The following ADCY2 variants were observed in gnomAD, a reference collection of about 807,000 sequenced individuals.
The protein encoded by ADCY2 is adenylate cyclase 2.
Under a neutral mutation model 125.2 loss-of-function variants are expected in ADCY2, and 31 were observed. The ratio of observed to expected loss-of-function variants is 0.25; its 90% CI spans 0.19 to 0.33. ADCY2 has a LOEUF of 0.33. Ranked by LOEUF, ADCY2 falls within the 10% of genes least tolerant of loss-of-function variation. ADCY2 has a pLI of 1.00. For missense variants in ADCY2, 904 were observed against 1,418.2 expected, an observed-to-expected ratio of 0.64 and a Z score of 5.82; for synonymous variants, 512 against 548.4, an observed-to-expected ratio of 0.93 and a Z score of 0.93.
chr5:7,412,829 T>A (rs1258086019), intron 1 of ADCY2, among the ~76,000 whole-genome samples: 1 of 152,326 alleles, frequency 6.6e-6, no homozygotes, highest in African/African-American at 2.4e-5. Context: ...GTGCCTCAGT[T>A]TCGTCAGCTG....
intron 3 of ADCY2, among the ~76,000 whole-genome samples, chr5:7,555,264 G>A (rs1005178264): frequency 5.9e-5 from 9 of 152,144 alleles, no homozygotes; most frequent in African/African-American, 2.2e-4. Flanking sequence ...CCATTCATTC[G>A]TTCAGCAAAC....
At chr5:7,451,800 C>T (rs1005003531) in intron 2 of ADCY2, among the ~76,000 whole-genome samples, 6 of 151,686 alleles carry the variant, frequency 4.0e-5, no homozygotes, top group Admixed American at 1.3e-4. Flanking sequence ...TTTAGGGGTA[C>T]CAGTGGTTTT....
chr5:7,781,082 G>C (rs536776161), intron 18 of ADCY2, among the ~76,000 whole-genome samples: 3 of 152,286 alleles, frequency 2.0e-5, no homozygotes, highest in African/African-American at 7.2e-5. Context: ...GAAACTTTCT[G>C]TTATATTAGC....
intron 3 of ADCY2, among the ~76,000 whole-genome samples, chr5:7,560,160 T>A (rs1735663456): frequency 6.6e-6 from 1 of 152,176 alleles, no homozygotes; most frequent in East Asian, 1.9e-4. Flanking sequence ...TGGGTAAATG[T>A]CAAGATGCCA....
chr5:7,674,224 G>C (rs148931865), intron 4 of ADCY2, among the ~76,000 whole-genome samples: 1 of 152,144 alleles, frequency 6.6e-6, no homozygotes. Flanking sequence ...TAGGAGCATC[G>C]TATTTCCAGG....
intron 16 of ADCY2, among the ~76,000 whole-genome samples, chr5:7,766,087 T>G (rs1743367000): frequency 6.6e-6 from 1 of 151,994 alleles, no homozygotes; most frequent in Admixed American, 6.6e-5. Flanking sequence ...TTTTGTTTTT[T>G]TAGTTTAAAT....
intron 24 of ADCY2, among the ~76,000 whole-genome samples, chr5:7,826,317 A>G (rs921480147): frequency 8.6e-5 from 13 of 151,986 alleles, no homozygotes; most frequent in African/African-American, 2.7e-4. Context: ...CACCACTCCA[A>G]TCTATTTTGG....
At chr5:7,415,425 G>C (rs189240260) in intron 2 of ADCY2, among the ~76,000 whole-genome samples, 186 of 152,308 alleles carry the variant, frequency 1.2e-3, no homozygotes, top group Non-Finnish European at 2.4e-3. Flanking sequence ...CCGTAGCCTT[G>C]TTTTACATCT....
At chr5:7,770,545 G>A (rs1005509363) in intron 17 of ADCY2, among the ~76,000 whole-genome samples, 1 of 152,174 alleles carries the variant, frequency 6.6e-6, no homozygotes, top group African/African-American at 2.4e-5. Flanking sequence ...TCATGGACTA[G>A]GCTGTTCTGA....
intron 1 of ADCY2, among the ~76,000 whole-genome samples, chr5:7,401,439 G>A (rs1739260499): frequency 2.6e-5 from 4 of 152,280 alleles, no homozygotes; most frequent in South Asian, 4.1e-4. Context: ...AATTCCCAGC[G>A]CTGGTCTTGG....
At chr5:7,446,447 C>CT (rs1287299799) in intron 2 of ADCY2, among the ~76,000 whole-genome samples, 1 of 151,948 alleles carries the variant, frequency 6.6e-6, no homozygotes, top group African/African-American at 2.4e-5. Flanking sequence ...TGTTTTTAAG[C>CT]TTTCTGGGAT....
chr5:7,698,565 A>G (rs544606538), intron 7 of ADCY2, among the ~76,000 whole-genome samples, 191 bp downstream of exon 7: 9 of 151,728 alleles, frequency 5.9e-5, no homozygotes, highest in Non-Finnish European at 1.2e-4. Flanking sequence ...AGGCCCTGGT[A>G]TGTGATGTTC....
chr5:7,713,187 A>G (rs533604578), intron 11 of ADCY2, among the ~76,000 whole-genome samples: 1 of 152,108 alleles, frequency 6.6e-6, no homozygotes, highest in Non-Finnish European at 1.5e-5. Flanking sequence ...AAAAAAGTGA[A>G]TTGTCTTAAA....
intron 4 of ADCY2, among the ~76,000 whole-genome samples, chr5:7,668,108 C>T (rs558480138): frequency 6.6e-6 from 1 of 152,294 alleles, no homozygotes; most frequent in South Asian, 2.1e-4. Context: ...TTGTCTGAAA[C>T]TATGGTGGGA....
At chr5:7,704,012 A>AC (rs1330246724) in intron 7 of ADCY2, among the ~76,000 whole-genome samples, 17 of 151,152 alleles carry the variant, frequency 1.1e-4, no homozygotes, top group Non-Finnish European at 2.5e-4. Flanking sequence ...AAAAAAAAAA[A>AC]AGTTTATTTT....
At position 7,494,387 on chromosome 5, in the gene ADCY2, G is replaced by A. The variant is rs1479769886; in HGVS notation, c.409-26351G>A. 2.0e-5 allele frequency among the ~76,000 whole-genome samples: 3 copies of A among 152,042 alleles called. No homozygotes were observed. In the East Asian group the frequency reaches 5.8e-4, roughly 29 times the overall value. On this transcript the variant is annotated intron_variant, in intron 2 of 24. Coordinates refer to ENST00000338316, the MANE Select transcript of ADCY2 (RefSeq NM_020546.3). ...AGCTCATGAATCTGCAGGTGCTTTG[G>A]CTTCCCCTTCTCTCTCTGCTCTCAA... is the stretch of plus-strand genomic sequence containing the variant.
At chr5:7,576,403 C>T (rs186535162) in intron 3 of ADCY2, among the ~76,000 whole-genome samples, 4 of 152,326 alleles carry the variant, frequency 2.6e-5, no homozygotes, top group Non-Finnish European at 5.9e-5. Context: ...CTCTCTGTTG[C>T]ATCTGTGTTT....
chr5:7,548,276 T>C (rs1371880320), intron 3 of ADCY2, among the ~76,000 whole-genome samples: 35 of 152,038 alleles, frequency 2.3e-4, no homozygotes, highest in Admixed American at 1.9e-3. Context: ...CTACTTAAAG[T>C]AGTCATGAAG....
intron 18 of ADCY2, among the ~76,000 whole-genome samples, chr5:7,777,237 C>T (rs1486619765): frequency 6.6e-6 from 1 of 152,168 alleles, no homozygotes; most frequent in African/African-American, 2.4e-5. Context: ...GACATGGCTT[C>T]TGTTGCCTGT....
Sources: gnomAD v4.1 joint callset for allele counts (sites outside exome capture counted in the v4.1 genomes callset) on GRCh38, gnomAD v4.1.1 for gene constraint, MANE v1.5 for transcripts, NCBI Gene and HGNC (gene_info 2026-07-23, HGNC 2026-07-21) for gene names.